PSPH: variants seen among roughly 807,000 people sequenced by gnomAD.
PSPH encodes L-3-phosphoserine phosphatase.
PSPH carries 16 observed loss-of-function variants against 23.4 expected under a neutral mutation model. The observed-to-expected ratio is 0.68, with a 90% CI of 0.46 to 1.04. The LOEUF is 1.04. Among genes scored for constraint, PSPH ranks in the 50% least tolerant of loss-of-function variants. The pLI is 0.00. For missense variants in PSPH, 223 were observed against 273.7 expected, an observed-to-expected ratio of 0.81 and a Z score of 1.31; for synonymous variants, 68 against 99.7, an observed-to-expected ratio of 0.68 and a Z score of 1.89.
At chr7:56,021,290 A>AC (rs75503608) in intron 3 of PSPH, 59 bp from the exon 4 acceptor site, 93,227 of 1,236,578 alleles carry the variant, frequency 0.075, no homozygotes, top group African/African-American at 0.38. Flanking sequence ...AAAAGATCCC[A>AC]CCTTGCCTAC....
chr7:56,016,988 T>C (rs1166819527), intron 6 of PSPH, among the ~76,000 whole-genome samples: 2 of 152,208 alleles, frequency 1.3e-5, no homozygotes, highest in Non-Finnish European at 2.9e-5. Flanking sequence ...AGTTAATGTT[T>C]CACGAAATGC....
intron 7 of PSPH, among the ~76,000 whole-genome samples, chr7:56,012,587 A>G (rs1033010819): frequency 1.3e-5 from 2 of 151,798 alleles, no homozygotes; most frequent in Admixed American, 1.3e-4. Context: ...CACTACTTAG[A>G]CAACCCCAAC....
chr7:56,014,081 A>G (rs1462668792), intron 7 of PSPH, among the ~76,000 whole-genome samples: 1 of 152,192 alleles, frequency 6.6e-6, no homozygotes, highest in Non-Finnish European at 1.5e-5. Flanking sequence ...GTGAGCTGAG[A>G]GCACACCACT....
At chr7:56,032,436 G>A (rs538720467) in intron 2 of PSPH, among the ~76,000 whole-genome samples, 42 of 152,066 alleles carry the variant, frequency 2.8e-4, no homozygotes, top group African/African-American at 8.4e-4. Context: ...TAAGGCGGGC[G>A]GATCACGAGG....
At position 56,011,771 on chromosome 7, in the gene PSPH, C is replaced by T; in HGVS notation, c.669G>A (p.Leu223=). Reference sequence around the variant, plus strand: ...TGTACGACAATGGATGTTATTCTTCCAGTTCTCCCAGCAGCTCTACAAAAT... The same window carrying T: ...TGTACGACAATGGATGTTATTCTTCTAGTTCTCCCAGCAGCTCTACAAAAT... ...ITDFVELLGE[L]EE Residue 223 remains leucine (L), a synonymous_variant, in exon 8 of 8, where the codon CTG becomes CTA. Coordinates refer to ENST00000275605, the MANE Select transcript of PSPH (RefSeq NM_004577.4). The T allele has an allele frequency of 6.2e-7, 1 of 1,610,720 alleles. No individual in the cohort carries two copies. The highest frequency in any genetic ancestry group is 1.1e-5 in the South Asian group (1 of 91,018).
rs557310616 is a variant in PSPH, at chr7:56,022,258, C to T, written c.-19-1027G>A. On this transcript the variant is annotated intron_variant, in intron 3 of 7. Coordinates refer to ENST00000275605, the MANE Select transcript of PSPH (RefSeq NM_004577.4). ...ACTGAAGCAGGAGAATTACTTGAACCCAGGAGGTAGAGCTGCAGTGAGCTG... is the reference window on the plus strand; with the variant it reads ...ACTGAAGCAGGAGAATTACTTGAACTCAGGAGGTAGAGCTGCAGTGAGCTG... 7.3e-5 allele frequency among the ~76,000 whole-genome samples: 11 copies of T among 151,594 alleles called. 1 individual carries two copies. In the South Asian group the frequency reaches 2.3e-3, roughly 32 times the overall value.
chr7:56,021,208 A>G lies in PSPH; in HGVS notation c.5T>C (p.Val2Ala). The change falls in exon 4 of 8, where the codon GTC (valine) becomes GCC (alanine). Residue 2 changes from valine to alanine, a missense_variant. Physicochemically the swap from Val to Ala is moderately conservative, Grantham distance 64 (BLOSUM62 0). Coordinates refer to ENST00000275605, the MANE Select transcript of PSPH (RefSeq NM_004577.4). Reference protein sequence around the residue: MVSHSELRKLFY... With the variant: MASHSELRKLFY... Reference sequence around the variant, plus strand: ...AAGCTTCCTCAGCTCTGAGTGGGAGACCATCGCTGGAAGAATTTTCCTCCT... The same window carrying G: ...AAGCTTCCTCAGCTCTGAGTGGGAGGCCATCGCTGGAAGAATTTTCCTCCT... 6.2e-7 allele frequency: 1 copy of G among 1,614,176 alleles called. No homozygotes were observed. Among genetic ancestry groups the G allele is most frequent in the East Asian group, 2.2e-5 (1 of 44,894 alleles).
intron 1 of PSPH, among the ~76,000 whole-genome samples, chr7:56,037,487 T>C (rs1791870031): frequency 1.3e-5 from 2 of 151,600 alleles, no homozygotes; most frequent in African/African-American, 4.8e-5. Flanking sequence ...GGCACGATCA[T>C]AGCTCACTGA....
intron 1 of PSPH, among the ~76,000 whole-genome samples, chr7:56,045,886 C>CA (rs34528611): frequency 0.54 from 58,430 of 108,032 alleles, 13,836 homozygotes; most frequent in East Asian, 0.69. Flanking sequence ...GACTTTGTCT[C>CA]AAAAAAAAAA....
chr7:56,049,300 T>G (rs953078766), intron 1 of PSPH, among the ~76,000 whole-genome samples: 1 of 152,014 alleles, frequency 6.6e-6, no homozygotes, highest in East Asian at 1.9e-4. Context: ...TCCCACCCCC[T>G]GACAGGTCCC....
intron 3 of PSPH, among the ~76,000 whole-genome samples, chr7:56,029,978 C>CA (rs1181658808): frequency 7.5e-4 from 40 of 53,018 alleles, no homozygotes; most frequent in Middle Eastern, 0.012. Flanking sequence ...GACTCCATCT[C>CA]AAAAAAAAAA....
chr7:56,046,798 CA>C (rs532617669), intron 1 of PSPH, among the ~76,000 whole-genome samples: 210 of 68,208 alleles, frequency 3.1e-3, no homozygotes, highest in East Asian at 0.016. Flanking sequence ...GACTCCACCT[CA>C]AAAAAAAAAA....
chr7:56,039,422 A>G (rs1433344218), intron 1 of PSPH, among the ~76,000 whole-genome samples: 1 of 152,132 alleles, frequency 6.6e-6, no homozygotes, highest in East Asian at 1.9e-4. Context: ...GATGCTTTTT[A>G]TATCTGTGTG....
chr7:56,015,437 T>C (rs1788442341), intron 6 of PSPH, among the ~76,000 whole-genome samples: 1 of 152,206 alleles, frequency 6.6e-6, no homozygotes, highest in Admixed American at 6.6e-5. Flanking sequence ...CCTAGGCTCA[T>C]GTGATCCTCC....
At chr7:56,028,776 T>G (rs145297112) in intron 3 of PSPH, among the ~76,000 whole-genome samples, 1 of 151,956 alleles carries the variant, frequency 6.6e-6, no homozygotes, top group African/African-American at 2.4e-5. Context: ...CTCTGCAAAA[T>G]GGTGCACCTC....
intron 4 of PSPH, chr7:56,019,950 T>C: frequency 1.5e-6 from 1 of 654,512 alleles, no homozygotes; most frequent in Non-Finnish European, 2.7e-6. Context: ...GTGCAGTGAC[T>C]CATGCCCATA....
At chr7:56,019,496 T>C in intron 5 of PSPH, 104 bp downstream of exon 5, 4 of 1,384,156 alleles carry the variant, frequency 2.9e-6, no homozygotes, top group Non-Finnish European at 3.9e-6. Flanking sequence ...TGAAAATAAA[T>C]AAACCACCCA....
intron 1 of PSPH, chr7:56,043,019 G>A (rs1318094127): frequency 6.6e-6 from 1 of 152,172 alleles, no homozygotes; most frequent in Non-Finnish European, 1.5e-5. Context: ...TGTAATCCCA[G>A]CACTTTGGGA....
chr7:56,011,959 G>GTGTCACTGCACTC, intron 7 of PSPH, 90 bp from the exon 8 acceptor site: 1 of 1,034,938 alleles, frequency 9.7e-7, no homozygotes, highest in Non-Finnish European at 1.4e-6. Context: ...AGGCTGGAGT[G>GTGTCACTGCACTC]CAGTGACACA....
Sources: gnomAD v4.1 joint callset for allele counts (sites outside exome capture counted in the v4.1 genomes callset) on GRCh38, gnomAD v4.1.1 for gene constraint, MANE v1.5 for transcripts, NCBI Gene and HGNC (gene_info 2026-07-23, HGNC 2026-07-21) for gene names.